The following JCAD variants were observed in gnomAD, a reference collection of about 807,000 sequenced individuals.
JCAD encodes junctional cadherin 5 associated.
In JCAD, 40 loss-of-function variants were observed where a neutral mutation model predicts 98.0. The observed-to-expected ratio is 0.41, with a 90% CI of 0.32 to 0.53. The LOEUF is 0.53. JCAD is among the 20% of genes least tolerant of loss of function. The probability of loss-of-function intolerance (pLI) is 0.31; values close to 1 mark genes in which losing one functional copy is unlikely to be tolerated. For synonymous variants in JCAD, 691 were observed against 682.3 expected, an observed-to-expected ratio of 1.01 and a Z score of -0.20; for missense variants, 1,705 against 1,738.1, an observed-to-expected ratio of 0.98 and a Z score of 0.34.
chr10:30,113,234 T>C (rs976960730), intron 1 of JCAD, among the ~76,000 whole-genome samples: 1 of 151,932 alleles, frequency 6.6e-6, no homozygotes, highest in African/African-American at 2.4e-5. Flanking sequence ...CGGGAGGATA[T>C]GAAACCTCGG....
In JCAD at chr10:30,059,066, G is replaced by T. The variant is rs754618982; in HGVS notation, c.-60+416C>A. Among the ~76,000 whole-genome samples, 4 of 152,078 alleles carry T rather than the reference G, an allele frequency of 2.6e-5. No homozygotes were observed. The highest frequency in any genetic ancestry group is 5.9e-5 in the Non-Finnish European group (4 of 67,980). On this transcript the variant is annotated intron_variant, in intron 1 of 3. Transcript: ENST00000375377. This position sits in a 1 kb window ranked among gnomAD's most constrained non-coding sequence, Gnocchi z 5.0. ...ATCTGGGCGCGAGGGCGCGGGAGGGGTTGGTGGACACAGGCTGGGGAGGGC... is the reference window on the plus strand; with the variant it reads ...ATCTGGGCGCGAGGGCGCGGGAGGGTTTGGTGGACACAGGCTGGGGAGGGC...
At chr10:30,057,920 T>A (rs1837610530) in intron 1 of JCAD, among the ~76,000 whole-genome samples, 1 of 152,098 alleles carries the variant, frequency 6.6e-6, no homozygotes, top group Admixed American at 6.6e-5. Context: ...CCAACACAAG[T>A]CCAATGAAAT....
chr10:30,028,380 C>A lies in JCAD; in HGVS notation c.1768G>T (p.Glu590Ter), dbSNP rs770576745. Residue 590 changes from glutamate to a stop codon, truncating the protein, a stop_gained, in exon 3 of 4, where the codon GAA becomes TAA. Coordinates refer to ENST00000375377, the MANE Select transcript of JCAD (RefSeq NM_020848.4). LOFTEE classifies it high-confidence loss of function. ...FCLVSIPVKS[E>*]SHLPDRDMDN... ...ATATCTCTATCTGGCAGATGTGATTCTGATTTCACTGGGATAGAAACCAAG... is the reference window on the plus strand; with the variant it reads ...ATATCTCTATCTGGCAGATGTGATTATGATTTCACTGGGATAGAAACCAAG... The A allele has an allele frequency of 6.2e-7, 1 of 1,614,162 alleles. No individual in the cohort carries two copies. Among genetic ancestry groups the A allele is most frequent in the South Asian group, 1.1e-5 (1 of 91,076 alleles).
intron 1 of JCAD, among the ~76,000 whole-genome samples, chr10:30,110,756 T>C (rs1189269546): frequency 6.6e-6 from 1 of 151,562 alleles, no homozygotes; most frequent in African/African-American, 2.4e-5. Flanking sequence ...TCCTGATGAG[T>C]GACCCACCAA....
chr10:30,025,573 G>A (rs1250666028), intron 3 of JCAD, among the ~76,000 whole-genome samples: 1 of 118,510 alleles, frequency 8.4e-6, no homozygotes, highest in East Asian at 2.9e-4. Context: ...GGGAGGGGAG[G>A]GAGAAAAGGC....
At position 30,026,200 on chromosome 10, in the gene JCAD, G is replaced by A; in HGVS notation, c.3948C>T (p.His1316=). The A allele has an allele frequency of 6.2e-7, 1 of 1,614,158 alleles. No homozygotes were observed. The highest frequency in any genetic ancestry group is 8.5e-7 in the Non-Finnish European group (1 of 1,180,046). The change falls in exon 3 of 4, where the codon CAC becomes CAT. Residue 1316 remains histidine, a synonymous_variant. Transcript: ENST00000375377. Reference sequence around the variant, plus strand: ...TGCTGTCCTTGGACACAGAGAGTGAGTGGCCCAATCTCTGGGCACGGTCCC... The same window carrying A: ...TGCTGTCCTTGGACACAGAGAGTGAATGGCCCAATCTCTGGGCACGGTCCC... ...GSGDRAQRLG[H]SLSVSKDSIS...
At chr10:30,092,126 A>ATAT (rs1491284119) in intron 1 of JCAD, among the ~76,000 whole-genome samples, 2 of 107,110 alleles carry the variant, frequency 1.9e-5, no homozygotes, top group African/African-American at 9.3e-5. Flanking sequence ...ATATATATAT[A>ATAT]AAAAACATTT....
Position 30,026,201 on chromosome 10 carries a change from T to G in JCAD, c.3947A>C (p.His1316Pro), listed in dbSNP as rs1836789252. 1 of 1,613,980 alleles carries G rather than the reference T, an allele frequency of 6.2e-7. No homozygotes were observed. Residue 1316 changes from histidine (H) to proline (P), a missense_variant, in exon 3 of 4, where the codon CAC becomes CCC. This residue lies in a region of JCAD where 1,278 missense variants were observed against 1,243.1 expected (regional missense o/e 1.03). Coordinates refer to ENST00000375377, the MANE Select transcript of JCAD (RefSeq NM_020848.4). ...GCTGTCCTTGGACACAGAGAGTGAG[T>G]GGCCCAATCTCTGGGCACGGTCCCC... The part of the protein sequence containing the change: ...GSGDRAQRLG[H>P]SLSVSKDSIS...
At chr10:30,019,579 G>C (rs1836614701) in intron 3 of JCAD, among the ~76,000 whole-genome samples, 1 of 148,808 alleles carries the variant, frequency 6.7e-6, no homozygotes. Flanking sequence ...TGAAATCACA[G>C]TAACAGAGAG....
chr10:30,014,830 C>T lies in JCAD; in HGVS notation c.*3053G>A, dbSNP rs1165552776. The T allele has an allele frequency of 6.6e-6, 1 of 152,180 alleles. No individual in the cohort carries two copies. The highest frequency in any genetic ancestry group is 6.5e-5 in the Admixed American group (1 of 15,278). The allele number at this position is 152,180 out of a possible 1,614,324, so 9.4% of individuals were successfully genotyped here. ...CAGCAAAAGTTCTACTTAGAATTTCCACGTGAATGAAACCCGCAACCTACA... is the reference window on the plus strand; with the variant it reads ...CAGCAAAAGTTCTACTTAGAATTTCTACGTGAATGAAACCCGCAACCTACA... On this transcript the variant is annotated 3_prime_UTR_variant, in exon 4 of 4. Transcript: ENST00000375377.
At position 30,027,700 on chromosome 10, in the gene JCAD, A is replaced by G. The variant is rs1252867800; in HGVS notation, c.2448T>C (p.Phe816=). 1 of 1,614,244 alleles carries G rather than the reference A, an allele frequency of 6.2e-7. No individual in the cohort carries two copies. The highest frequency in any genetic ancestry group is 1.3e-5 in the African/African-American group (1 of 75,066). The part of the protein sequence containing the change: ...PTGPCNSKQL[F]GQFLLKPVSR... Reference sequence around the variant, plus strand: ...TGACCGGTTTCAGGAGAAACTGCCCAAAGAGTTGTTTACTGTTGCAAGGGC... The same window carrying G: ...TGACCGGTTTCAGGAGAAACTGCCCGAAGAGTTGTTTACTGTTGCAAGGGC... The change falls in exon 3 of 4, where the codon TTT becomes TTC. Residue 816 remains phenylalanine (F), a synonymous_variant. Coordinates refer to ENST00000375377, the MANE Select transcript of JCAD (RefSeq NM_020848.4).
At position 30,059,121 on chromosome 10, in the gene JCAD, C is replaced by G. The variant is rs992399641; in HGVS notation, c.-60+361G>C. On this transcript the variant is annotated intron_variant, in intron 1 of 3. Transcript: ENST00000375377. This position sits in a 1 kb window ranked among gnomAD's most constrained non-coding sequence, Gnocchi z 5.0. ...TCGAGAGGGGAGTGAGTGACCCCGG[C>G]CCCCCAGGCCCTCCGCGCGCCGAGG... is the stretch of plus-strand genomic sequence containing the variant. 6.6e-6 allele frequency among the ~76,000 whole-genome samples: 1 copy of G among 151,852 alleles called. No homozygotes were observed. Among genetic ancestry groups the G allele is most frequent in the Non-Finnish European group, 1.5e-5 (1 of 67,904 alleles).
chr10:30,019,401 C>T (rs1259325948), intron 3 of JCAD, among the ~76,000 whole-genome samples: 4 of 147,600 alleles, frequency 2.7e-5, no homozygotes, highest in Non-Finnish European at 6.0e-5. Context: ...TGTATATACA[C>T]ACACAATGGG....
At chr10:30,114,545 A>G (rs1222760855) in intron 1 of JCAD, among the ~76,000 whole-genome samples, 3 of 150,290 alleles carry the variant, frequency 2.0e-5, no homozygotes, top group African/African-American at 7.4e-5. Flanking sequence ...TCATAGGCAC[A>G]GATGTTTGCC....
intron 2 of JCAD, 22 bp downstream of exon 2, chr10:30,047,510 G>A: frequency 1.3e-6 from 2 of 1,595,400 alleles, no homozygotes; most frequent in Non-Finnish European, 1.7e-6. Flanking sequence ...AAAGAAAACG[G>A]TGGGTTCACA....
chr10:30,088,417 CA>C (rs1838201666), intron 1 of JCAD, among the ~76,000 whole-genome samples: 1 of 152,120 alleles, frequency 6.6e-6, no homozygotes, highest in Non-Finnish European at 1.5e-5. Flanking sequence ...GTTCTCACTG[CA>C]GGCCTCCTGA....
chr10:30,104,832 A>G (rs1838542449), intron 1 of JCAD, among the ~76,000 whole-genome samples: 1 of 152,212 alleles, frequency 6.6e-6, no homozygotes, highest in South Asian at 2.1e-4. Context: ...GTGTTTTACA[A>G]TTAAACTTAG....
chr10:30,020,202 C>G (rs769380025), intron 3 of JCAD, among the ~76,000 whole-genome samples: 6 of 151,616 alleles, frequency 4.0e-5, no homozygotes, highest in Non-Finnish European at 8.8e-5. Context: ...TGGTACATGC[C>G]TGTAGTTCTA....
chr10:30,087,388 G>A (rs560223427), intron 1 of JCAD, among the ~76,000 whole-genome samples: 10 of 152,104 alleles, frequency 6.6e-5, no homozygotes, highest in Non-Finnish European at 1.2e-4. Flanking sequence ...ACAGTGAGCC[G>A]AGATCATGCC....
Sources: allele counts gnomAD v4.1 joint callset (sites outside exome capture counted in the v4.1 genomes callset), GRCh38; gene constraint gnomAD v4.1.1; regional missense constraint gnomAD v4.1.1; non-coding constraint Gnocchi (gnomAD v3.1); transcripts MANE v1.5; gene names NCBI Gene and HGNC (gene_info 2026-07-23, HGNC 2026-07-21).